The following PLXNA1 variants were observed in gnomAD, a reference collection of about 807,000 sequenced individuals.
PLXNA1 encodes the protein plexin A1.
PLXNA1 carries 77 observed loss-of-function variants against 191.7 expected under a neutral mutation model. That is an observed-to-expected ratio of 0.40 (90% CI 0.33 to 0.49). The LOEUF (loss-of-function observed/expected upper bound fraction) is 0.49. PLXNA1 is among the 20% of genes least tolerant of loss of function. PLXNA1 has a pLI of 0.63. For missense variants in PLXNA1, 2,110 were observed against 2,660.2 expected (o/e 0.79, Z 4.55); for synonymous variants, 1,137 against 1,156.4 (o/e 0.98, Z 0.34).
At position 126,989,610 on chromosome 3, in the gene PLXNA1, T is replaced by A. The variant is rs6773789; in HGVS notation, c.1017T>A (p.Thr339=). ...GLAEDEDVLF[T]VFAQGQKNRV... The stretch of plus-strand genomic sequence containing the variant: ...CTGAGGACGAGGACGTGCTGTTCAC[T>A]GTGTTCGCCCAGGGCCAGAAGAACC... The change falls in exon 2 of 32, where the codon ACT becomes ACA. Residue 339 remains threonine, a synonymous_variant. Coordinates refer to ENST00000393409, the MANE Select transcript of PLXNA1 (RefSeq NM_032242.4). 4.3e-6 allele frequency: 7 copies of A among 1,612,854 alleles called. No homozygotes were observed. The African/African-American group carries it at 8.0e-5, about 18-fold the overall frequency.
Position 127,030,236 on chromosome 3 carries a change from C to T in PLXNA1, c.5062-7C>T, listed in dbSNP as rs7625998. The T allele has an allele frequency of 0.022, 35,077 of 1,612,354 alleles. 860 individuals carry two copies. Among genetic ancestry groups the T allele is most frequent in the African/African-American group, 0.092 (6,896 of 75,036 alleles). The stretch of plus-strand genomic sequence containing the variant: ...TGGGGCTCAGTGTCCCTGCCTGCCC[C>T]CCGCAGGGCACACTGCAGAAGTTTG... On this transcript the variant is annotated splice_polypyrimidine_tract_variant and splice_region_variant and intron_variant, in intron 28 of 31. Coordinates refer to ENST00000393409, the MANE Select transcript of PLXNA1 (RefSeq NM_032242.4).
intron 7 of PLXNA1, among the ~76,000 whole-genome samples, chr3:127,005,610 T>C (rs1401840451): frequency 1.3e-5 from 2 of 152,134 alleles, no homozygotes; most frequent in Non-Finnish European, 2.9e-5. Context: ...TGTCCCATGG[T>C]GACCCAGAGG....
intron 23 of PLXNA1, chr3:127,027,162 A>C: frequency 5.4e-6 from 1 of 186,030 alleles, no homozygotes; most frequent in South Asian, 1.2e-4. Flanking sequence ...TGGGTCCACA[A>C]GGGCCCATGA....
At chr3:127,022,650 G>C (rs1038139931) in intron 22 of PLXNA1, 102 bp from the exon 23 acceptor site, 26 of 1,094,250 alleles carry the variant, frequency 2.4e-5, no homozygotes, top group Admixed American at 6.9e-5. Flanking sequence ...CTGTAGGAAG[G>C]GGGGCAGGGT....
At position 126,989,379 on chromosome 3, in the gene PLXNA1, G is replaced by C. The variant is rs781531297; in HGVS notation, c.786G>C (p.Gln262His). Reference sequence around the variant, plus strand: ...AGTTTGTCTACTACCTCACGCTGCAGCTAGACACACAGCTGACCTCGCCTG... The same window carrying C: ...AGTTTGTCTACTACCTCACGCTGCACCTAGACACACAGCTGACCTCGCCTG... Reference protein sequence around the residue: ...SEQFVYYLTLQLDTQLTSPDA... With the variant: ...SEQFVYYLTLHLDTQLTSPDA... The change falls in exon 2 of 32, where the codon CAG becomes CAC. Residue 262 changes from glutamine (Q) to histidine (H), a missense_variant. By Grantham distance (24) the Gln-to-His change is conservative (BLOSUM62 0). Transcript: ENST00000393409. 3.7e-6 allele frequency: 6 copies of C among 1,613,496 alleles called. No homozygotes were observed. The Admixed American group carries it at 1.0e-4, about 27-fold the overall frequency.
Position 127,014,349 on chromosome 3 carries a change from C to A in PLXNA1, c.2578C>A (p.Arg860Ser). The A allele has an allele frequency of 6.3e-7, 1 of 1,594,326 alleles. No homozygotes were observed. The highest frequency in any genetic ancestry group is 1.1e-5 in the South Asian group (1 of 89,592). ...SWMHARHGSSRCTDPKILKLS... is the reference protein window; with the variant it reads ...SWMHARHGSSSCTDPKILKLS... ...GATGCACGCGCGTCACGGCAGCAGT[C>A]GCTGCACCGACCCCAAGATCCTCAA... The change falls in exon 12 of 32, where the codon CGC becomes AGC. Residue 860 changes from arginine (R) to serine (S), a missense_variant. Physicochemically the swap from Arg to Ser is moderately radical, Grantham distance 110 (BLOSUM62 -1). Around this residue, in one of 4 missense-constraint regions of PLXNA1, gnomAD observed 644 missense variants for 714.3 expected, o/e 0.90. Transcript: ENST00000393409.
chr3:126,992,334 C>T (rs1003088982), intron 3 of PLXNA1, among the ~76,000 whole-genome samples: 2 of 152,048 alleles, frequency 1.3e-5, no homozygotes, highest in African/African-American at 4.8e-5. Context: ...CCCCAGAGGC[C>T]CAGTGGGCAG....
In PLXNA1 at chr3:127,017,618, C is replaced by A. The variant is rs1353097633; in HGVS notation, c.3470C>A (p.Pro1157His). 16 of 1,613,688 alleles carry A rather than the reference C, an allele frequency of 9.9e-6. No individual in the cohort carries two copies. The highest frequency in any genetic ancestry group is 1.3e-5 in the Non-Finnish European group (15 of 1,180,026). The change falls in exon 18 of 32, where the codon CCC becomes CAC. Residue 1157 changes from proline (P) to histidine (H), a missense_variant. Pro to His is a moderately conservative substitution (Grantham distance 77). Coordinates refer to ENST00000393409, the MANE Select transcript of PLXNA1 (RefSeq NM_032242.4). Reference sequence around the variant, plus strand: ...GACCCCGTACTGGAGCCACTCAGCCCCACTGGCCTGCTGGAGCTGAAGCCC... The same window carrying A: ...GACCCCGTACTGGAGCCACTCAGCCACACTGGCCTGCTGGAGCTGAAGCCC... The part of the protein sequence containing the change: ...YPDPVLEPLS[P>H]TGLLELKPSS...
chr3:127,012,203 G>A (rs1346272603), intron 10 of PLXNA1, 45 bp downstream of exon 10: 1 of 1,584,364 alleles, frequency 6.3e-7, no homozygotes, highest in Non-Finnish European at 8.6e-7. Context: ...GCCGGAATGG[G>A]CCGGTTATCC....
Position 127,028,070 on chromosome 3 carries a change from T to C in PLXNA1, c.4493T>C (p.Ile1498Thr), listed in dbSNP as rs1309077962. ...GAGGACAAGCTCATCCGGCAGCAGA[T>C]TGACTACAAGACACTGGTGAGCGTG... ...LSEDKLIRQQ[I>T]DYKTLTLNCV... The change falls in exon 24 of 32, where the codon ATT becomes ACT. Residue 1498 changes from isoleucine to threonine, a missense_variant. Ile to Thr is a moderately conservative substitution (Grantham distance 89). This residue lies in a region of PLXNA1 where 559 missense variants were observed against 911.5 expected (regional missense o/e 0.61). Coordinates refer to ENST00000393409, the MANE Select transcript of PLXNA1 (RefSeq NM_032242.4). 6 of 1,613,996 alleles carry C rather than the reference T, an allele frequency of 3.7e-6. No individual in the cohort carries two copies. Among genetic ancestry groups the C allele is most frequent in the Admixed American group, 3.3e-5 (2 of 60,028 alleles).
At position 126,989,555 on chromosome 3, in the gene PLXNA1, G is replaced by A; in HGVS notation, c.962G>A (p.Gly321Asp). 1 of 1,613,218 alleles carries A rather than the reference G, an allele frequency of 6.2e-7. No individual in the cohort carries two copies. Among genetic ancestry groups the A allele is most frequent in the Non-Finnish European group, 8.5e-7 (1 of 1,180,034 alleles). ...LVQDAYLSRP[G>D]RALAHQLGLA... is the part of the protein sequence containing the mutation. ...CAGGATGCCTACCTGAGCCGGCCCG[G>A]CCGTGCCCTGGCCCACCAGCTGGGC... The change falls in exon 2 of 32, where the codon GGC (glycine) becomes GAC (aspartate). Residue 321 changes from glycine to aspartate, a missense_variant. Around this residue, in one of 4 missense-constraint regions of PLXNA1, gnomAD observed 903 missense variants for 1,015.7 expected, o/e 0.89. Coordinates refer to ENST00000393409, the MANE Select transcript of PLXNA1 (RefSeq NM_032242.4).
intron 1 of PLXNA1, among the ~76,000 whole-genome samples, chr3:126,984,414 A>G (rs567003172): frequency 6.6e-6 from 1 of 152,112 alleles, no homozygotes; most frequent in Non-Finnish European, 1.5e-5. Flanking sequence ...GGGTCGGTGC[A>G]GGGATGGGGC....
intron 3 of PLXNA1, among the ~76,000 whole-genome samples, chr3:126,991,935 C>T (rs1358190957): frequency 1.3e-5 from 2 of 152,168 alleles, no homozygotes; most frequent in Admixed American, 6.5e-5. Flanking sequence ...CCTCTGGGCC[C>T]TGCTCCCCAG....
At chr3:127,017,686 G>C in intron 18 of PLXNA1, 22 bp downstream of exon 18, 2 of 1,613,160 alleles carry the variant, frequency 1.2e-6, no homozygotes, top group South Asian at 2.2e-5. Flanking sequence ...TTGCCCGTAG[G>C]CTGGGCCAAG....
intron 9 of PLXNA1, 50 bp downstream of exon 9, chr3:127,007,963 T>C (rs764310925): frequency 1.5e-6 from 2 of 1,293,934 alleles, no homozygotes; most frequent in Non-Finnish European, 1.1e-6. Flanking sequence ...GGAGCAGAAC[T>C]GGGTTGAGAC....
Position 127,014,600 on chromosome 3 carries a change from T to C in PLXNA1, c.2727T>C (p.Pro909=), listed in dbSNP as rs764832733. Residue 909 remains proline (P), a synonymous_variant, in exon 13 of 32, where the codon CCT becomes CCC. Transcript: ENST00000393409. ...GCGTGGGCAAGGTGCTGTGCAGCCC[T>C]GTGGAGAGCGAGTACATCAGTGCGG... ...GVRVGKVLCS[P]VESEYISAEQ... 2 of 1,613,066 alleles carry C rather than the reference T, an allele frequency of 1.2e-6. No homozygotes were observed. The highest frequency in any genetic ancestry group is 1.3e-5 in the African/African-American group (1 of 74,904).
chr3:126,994,772 G>A (rs1015723161), intron 3 of PLXNA1, among the ~76,000 whole-genome samples: 1 of 152,134 alleles, frequency 6.6e-6, no homozygotes. Context: ...AGGGTAAGGA[G>A]GGCCATGCTG....
chr3:127,014,321 G>A lies in PLXNA1; in HGVS notation c.2550G>A (p.Ser850=), dbSNP rs754145615. ...RHHCAADTPA[S]WMHARHGSSR... ...ACTGCGCTGCCGACACACCTGCATC[G>A]TGGATGCACGCGCGTCACGGCAGCA... is the stretch of plus-strand genomic sequence containing the variant. Residue 850 remains serine (S), a synonymous_variant, in exon 12 of 32, where the codon TCG becomes TCA. Coordinates refer to ENST00000393409, the MANE Select transcript of PLXNA1 (RefSeq NM_032242.4). The A allele has an allele frequency of 4.1e-5, 66 of 1,597,348 alleles. No homozygotes were observed. Among genetic ancestry groups the A allele is most frequent in the Admixed American group, 6.7e-5 (4 of 59,320 alleles).
chr3:126,989,887 T>A (rs2078982457), intron 2 of PLXNA1, 100 bp downstream of exon 2: 2 of 1,086,810 alleles, frequency 1.8e-6, no homozygotes, highest in African/African-American at 1.6e-5. Flanking sequence ...GCTGTGTGCC[T>A]GGCCTGGCTT....
Sources: gnomAD v4.1 joint callset for allele counts (sites outside exome capture counted in the v4.1 genomes callset) on GRCh38, gnomAD v4.1.1 for gene constraint, gnomAD v4.1.1 regional missense constraint, MANE v1.5 for transcripts, NCBI Gene and HGNC (gene_info 2026-07-23, HGNC 2026-07-21) for gene names.